ST3GAL4: variants seen among roughly 807,000 people sequenced by gnomAD.
The protein encoded by ST3GAL4 is CMP-N-acetylneuraminate-beta-galactosamide-alpha-2,3-sialyltransferase 4.
ST3GAL4 carries 24 observed loss-of-function variants against 42.6 expected under a neutral mutation model. The observed-to-expected ratio is 0.56, with a 90% CI of 0.41 to 0.79. The LOEUF (loss-of-function observed/expected upper bound fraction) is 0.79, where lower values mean the gene tolerates loss of function less well. Ranked by LOEUF, ST3GAL4 falls within the 30% of genes least tolerant of loss-of-function variation. The probability of loss-of-function intolerance (pLI) is 0.00; values close to 1 mark genes in which losing one functional copy is unlikely to be tolerated. For missense variants in ST3GAL4, 311 were observed against 430.8 expected (o/e 0.72, Z 2.46); for synonymous variants, 135 against 163.2 (o/e 0.83, Z 1.32).
At chr11:126,369,679 T>G (rs1341698856) in intron 1 of ST3GAL4, among the ~76,000 whole-genome samples, 2 of 152,240 alleles carry the variant, frequency 1.3e-5, no homozygotes, top group African/African-American at 2.4e-5. Context: ...TTACATTCCT[T>G]ATTTTTTCTT....
At chr11:126,401,688 A>G (rs1954001485) in intron 1 of ST3GAL4, among the ~76,000 whole-genome samples, 1 of 152,210 alleles carries the variant, frequency 6.6e-6, no homozygotes. Context: ...GGCATGGCCA[A>G]CAACATCAAA....
chr11:126,380,256 T>C (rs1448996891), intron 1 of ST3GAL4, among the ~76,000 whole-genome samples: 3 of 147,356 alleles, frequency 2.0e-5, no homozygotes, highest in African/African-American at 7.6e-5. Flanking sequence ...AGCGAGACTG[T>C]ATCAAAAAAA....
At chr11:126,405,228 C>T (rs1329757278) in intron 1 of ST3GAL4, among the ~76,000 whole-genome samples, 3 of 152,228 alleles carry the variant, frequency 2.0e-5, no homozygotes, top group Non-Finnish European at 4.4e-5. Flanking sequence ...GCTGTAGAAG[C>T]TACAGAAATG....
At chr11:126,408,578 G>T (rs531714578) in intron 8 of ST3GAL4, 82 bp downstream of exon 8, 1 of 1,499,804 alleles carries the variant, frequency 6.7e-7, no homozygotes, top group Admixed American at 1.8e-5. Flanking sequence ...CTTGATGTCC[G>T]CCTGGCAGTC....
At chr11:126,382,809 AG>A (rs1953058923) in intron 1 of ST3GAL4, among the ~76,000 whole-genome samples, 1 of 152,226 alleles carries the variant, frequency 6.6e-6, no homozygotes, top group Non-Finnish European at 1.5e-5. Flanking sequence ...AGGCCTTGAC[AG>A]GCGGGAATCT....
chr11:126,371,246 T>G (rs747487982), intron 1 of ST3GAL4, among the ~76,000 whole-genome samples: 6 of 138,938 alleles, frequency 4.3e-5, no homozygotes, highest in Non-Finnish European at 9.2e-5. Context: ...CTCACTGCAA[T>G]CTCTGCCTCC....
Position 126,398,392 on chromosome 11 carries a change from C to T in ST3GAL4, c.-60-7704C>T, listed in dbSNP as rs540956907. Among the ~76,000 whole-genome samples, 11 of 152,366 alleles carry T rather than the reference C, an allele frequency of 7.2e-5. No homozygotes were observed. In the East Asian group the frequency reaches 1.2e-3, roughly 16 times the overall value. On this transcript the variant is annotated intron_variant, in intron 1 of 10. Coordinates refer to ENST00000444328, the MANE Select transcript of ST3GAL4 (RefSeq NM_001254757.2). This position sits in a 1 kb window ranked among gnomAD's most constrained non-coding sequence, Gnocchi z 4.7. ...CCATGTCCTGCCTTCCAGACACACT[C>T]GGGTAGGGACTTGGGCCCCCAAGGC...
chr11:126,374,141 A>G (rs564868188), intron 1 of ST3GAL4, among the ~76,000 whole-genome samples: 1 of 152,098 alleles, frequency 6.6e-6, no homozygotes, highest in African/African-American at 2.4e-5. Flanking sequence ...GCTGGGAAGT[A>G]GAGAAGCTGA....
chr11:126,412,126 C>T (rs1230693597), intron 9 of ST3GAL4, among the ~76,000 whole-genome samples: 3 of 151,974 alleles, frequency 2.0e-5, no homozygotes, highest in Non-Finnish European at 4.4e-5. Flanking sequence ...ACATATTTAA[C>T]TAATAGAGAG....
chr11:126,374,124 A>T (rs1952749288), intron 1 of ST3GAL4, among the ~76,000 whole-genome samples: 1 of 151,876 alleles, frequency 6.6e-6, no homozygotes. Flanking sequence ...GGGTGTGTGG[A>T]GTTGTTGCTG....
chr11:126,413,849 G>T, intron 10 of ST3GAL4, 112 bp from the exon 11 acceptor site: 1 of 1,430,904 alleles, frequency 7.0e-7, no homozygotes, highest in Admixed American at 2.0e-5. Context: ...AGCCAGCCTG[G>T]GGAAGGGAGC....
At position 126,409,696 on chromosome 11, in the gene ST3GAL4, A is replaced by C. The variant is rs905550316; in HGVS notation, c.771+285A>C. 6.6e-6 allele frequency among the ~76,000 whole-genome samples: 1 copy of C among 152,132 alleles called. No individual in the cohort carries two copies. The highest frequency in any genetic ancestry group is 1.5e-5 in the Non-Finnish European group (1 of 68,018). ...GGCAGGCGCTGGTCAGAATTTGTCA[A>C]CTGGGGAGCTGCTGGAACAGTCAGT... is the stretch of plus-strand genomic sequence containing the variant. On this transcript the variant is annotated intron_variant, in intron 9 of 10. Transcript: ENST00000444328. This position sits in a 1 kb window ranked among gnomAD's most constrained non-coding sequence, Gnocchi z 4.9.
rs1190254229 is a variant in ST3GAL4 at position 126,411,360 on chromosome 11, A to T, written c.771+1949A>T. Among the ~76,000 whole-genome samples the T allele has an allele frequency of 6.6e-6, 1 of 151,486 alleles. No homozygotes were observed. Among genetic ancestry groups the T allele is most frequent in the Non-Finnish European group, 1.5e-5 (1 of 67,862 alleles). On this transcript the variant is annotated intron_variant, in intron 9 of 10. Coordinates refer to ENST00000444328, the MANE Select transcript of ST3GAL4 (RefSeq NM_001254757.2). This position sits in a 1 kb window ranked among gnomAD's most constrained non-coding sequence, Gnocchi z 6.3. ...CAAAACACAGGAGTGCTGGTCTCGAACTCCTGACCTTAGGTGATCTACCCG... is the reference window on the plus strand; with the variant it reads ...CAAAACACAGGAGTGCTGGTCTCGATCTCCTGACCTTAGGTGATCTACCCG...
chr11:126,407,746 A>C, intron 6 of ST3GAL4, 112 bp downstream of exon 6: 1 of 1,093,760 alleles, frequency 9.1e-7, no homozygotes, highest in South Asian at 1.5e-5. Context: ...GACTGGTACC[A>C]TCCCAGCCAA....
In ST3GAL4 at chr11:126,406,328, C is replaced by T; in HGVS notation, c.17-145C>T. The T allele has an allele frequency of 6.5e-7, 1 of 1,540,412 alleles. No homozygotes were observed. ...GACAGTGGGTACAATCAGGGTCAAG[C>T]CCTCAGCCAGGGCCAGGAGAGGGCC... On this transcript the variant is annotated intron_variant, in intron 2 of 10. Transcript: ENST00000444328. The surrounding 1 kb of genome is among the most constrained non-coding windows in gnomAD (Gnocchi z 5.4).
At chr11:126,405,558 C>T (rs1954191349) in intron 1 of ST3GAL4, 2 of 161,910 alleles carry the variant, frequency 1.2e-5, no homozygotes, top group African/African-American at 4.8e-5. Context: ...GCCCCACCCT[C>T]ACTCCCCACC....
At chr11:126,403,492 G>A (rs1303196363) in intron 1 of ST3GAL4, 1 of 973,438 alleles carries the variant, frequency 1.0e-6, no homozygotes, top group Non-Finnish European at 1.2e-6. Flanking sequence ...AGGAGGTACG[G>A]CGCTGATTTG....
chr11:126,389,746 ATTTTATTT>A (rs1368951253), intron 1 of ST3GAL4, among the ~76,000 whole-genome samples: 1 of 151,952 alleles, frequency 6.6e-6, no homozygotes, highest in Non-Finnish European at 1.5e-5. Context: ...TAAGTTGTTT[ATTTTATTT>A]TTTTATTTTT....
At chr11:126,357,242 G>A (rs1952102810) in intron 1 of ST3GAL4, among the ~76,000 whole-genome samples, 1 of 152,134 alleles carries the variant, frequency 6.6e-6, no homozygotes, top group Non-Finnish European at 1.5e-5. Context: ...CATTGCGCTG[G>A]GTGGGTGATC....
Sources: allele counts gnomAD v4.1 joint callset (sites outside exome capture counted in the v4.1 genomes callset), GRCh38; gene constraint gnomAD v4.1.1; non-coding constraint Gnocchi (gnomAD v3.1); transcripts MANE v1.5; gene names NCBI Gene and HGNC (gene_info 2026-07-23, HGNC 2026-07-21).